The following MLLT1 variants were observed in gnomAD, a reference collection of about 807,000 sequenced individuals.
The protein encoded by MLLT1 is protein ENL.
In MLLT1, 11 loss-of-function variants were observed where a neutral mutation model predicts 55.1. That is an observed-to-expected ratio of 0.20 (90% CI 0.13 to 0.33). The LOEUF is 0.33. Ranked by LOEUF, MLLT1 falls within the 10% of genes least tolerant of loss-of-function variation. The pLI, the probability that MLLT1 is intolerant of heterozygous loss-of-function variation, is 1.00. For missense variants in MLLT1, 536 were observed against 760.6 expected, an observed-to-expected ratio of 0.70 and a Z score of 3.47; for synonymous variants, 323 against 320.1, an observed-to-expected ratio of 1.01 and a Z score of -0.10.
rs4807858 is a variant in MLLT1 at position 6,273,129 on chromosome 19, A to T, written c.13-2370T>A. On this transcript the variant is annotated intron_variant, in intron 1 of 11. Coordinates refer to ENST00000252674, the MANE Select transcript of MLLT1 (RefSeq NM_005934.4). This position sits in a 1 kb window ranked among gnomAD's most constrained non-coding sequence, Gnocchi z 4.3. The stretch of plus-strand genomic sequence containing the variant: ...GAGACAAAAGAAATAACCCGTCGTC[A>T]TAAGTGGCTGACAGATATGGGAAAC... 6.6e-6 allele frequency among the ~76,000 whole-genome samples: 1 copy of T among 151,576 alleles called. No individual in the cohort carries two copies. The highest frequency in any genetic ancestry group is 2.1e-4 in the South Asian group (1 of 4,778).
chr19:6,212,588 G>A lies in MLLT1; in HGVS notation c.*454C>T. The A allele has an allele frequency of 1.8e-6, 2 of 1,091,470 alleles. No individual in the cohort carries two copies. The highest frequency in any genetic ancestry group is 2.2e-6 in the Non-Finnish European group (2 of 897,484). 67.6% of individuals were successfully genotyped at this position (1,091,470 alleles called of 1,614,324 possible). A position where few individuals can be genotyped will look rare whatever the true frequency, so the allele number is the denominator to read the frequency against. On this transcript the variant is annotated 3_prime_UTR_variant, in exon 12 of 12. Coordinates refer to ENST00000252674, the MANE Select transcript of MLLT1 (RefSeq NM_005934.4). ...GGAGGACGACGCAGACACACAGGCA[G>A]GGCCTTCTGAGGTCCAGGGTGGGCG...
chr19:6,267,797 G>A (rs1002746350), intron 2 of MLLT1, among the ~76,000 whole-genome samples: 3 of 152,154 alleles, frequency 2.0e-5, no homozygotes, highest in African/African-American at 7.2e-5. Context: ...GCTTAACAAC[G>A]TCCATTGTAG....
At chr19:6,276,821 G>A (rs1346179304) in intron 1 of MLLT1, among the ~76,000 whole-genome samples, 7 of 152,188 alleles carry the variant, frequency 4.6e-5, no homozygotes, top group South Asian at 4.1e-4. Context: ...TGCGGGTTAC[G>A]GTTGGGGCAA....
At position 6,222,665 on chromosome 19, in the gene MLLT1, C is replaced by T; in HGVS notation, c.566G>A (p.Ser189Asn). Residue 189 changes from serine to asparagine, a missense_variant, in exon 6 of 12, where the codon AGC becomes AAC. This residue lies in a region of MLLT1 where 449 missense variants were observed against 489.0 expected (regional missense o/e 0.92). Coordinates refer to ENST00000252674, the MANE Select transcript of MLLT1 (RefSeq NM_005934.4). The surrounding 1 kb of genome is among the most constrained non-coding windows in gnomAD (Gnocchi z 4.1). ...HGSKDANKES[S>N]KTSKPHKVTK... ...CACCTTGTGTGGCTTGGAGGTCTTG[C>T]TGCTCTCCTTGTTGGCGTCCTGCAA... 6.5e-7 allele frequency: 1 copy of T among 1,548,184 alleles called. No homozygotes were observed. The highest frequency in any genetic ancestry group is 8.7e-7 in the Non-Finnish European group (1 of 1,150,232).
rs751164053 is a variant in MLLT1, at chr19:6,222,529, G to A, written c.702C>T (p.Gly234=). 33 of 1,600,246 alleles carry A rather than the reference G, an allele frequency of 2.1e-5. No individual in the cohort carries two copies. Among genetic ancestry groups the A allele is most frequent in the Non-Finnish European group, 2.5e-5 (30 of 1,179,620 alleles). The change falls in exon 6 of 12, where the codon GGC becomes GGT. Residue 234 remains glycine, a synonymous_variant. Coordinates refer to ENST00000252674, the MANE Select transcript of MLLT1 (RefSeq NM_005934.4). This position sits in a 1 kb window ranked among gnomAD's most constrained non-coding sequence, Gnocchi z 4.1. ...TCTCCTCCTTGGGCAGCCGGCCCTC[G>A]CCCAGCTTCCGCGAGGTGTCCTTGG... The part of the protein sequence containing the change: ...KSSKDTSRKL[G]EGRLPKEEKA...
chr19:6,279,955 C>G lies in MLLT1; in HGVS notation c.-171G>C, dbSNP rs935562642. The G allele has an allele frequency of 6.1e-6, 1 of 163,728 alleles. No individual in the cohort carries two copies. The highest frequency in any genetic ancestry group is 1.3e-5 in the Non-Finnish European group (1 of 78,374). 10.1% of individuals were successfully genotyped at this position (163,728 alleles called of 1,614,324 possible). A position where few individuals can be genotyped will look rare whatever the true frequency, so the allele number is the denominator to read the frequency against. ...CCGCCAGCCCCGCGGAACCGGAAAC[C>G]ACCGCCAGCCCGGGTCGCGCACCGA... On this transcript the variant is annotated 5_prime_UTR_variant, in exon 1 of 12. Coordinates refer to ENST00000252674, the MANE Select transcript of MLLT1 (RefSeq NM_005934.4).
rs2091008575 is a variant in MLLT1 at position 6,231,380 on chromosome 19, G to A, written c.277-667C>T. On this transcript the variant is annotated intron_variant, in intron 3 of 11. Transcript: ENST00000252674. The surrounding 1 kb of genome is among the most constrained non-coding windows in gnomAD (Gnocchi z 5.1). ...GGAAAAGGGCTGTGAGTGAGGGGCTGTGATGAATACAGAAAGGCCAGGAGG... is the reference window on the plus strand; with the variant it reads ...GGAAAAGGGCTGTGAGTGAGGGGCTATGATGAATACAGAAAGGCCAGGAGG... 6.6e-6 allele frequency among the ~76,000 whole-genome samples: 1 copy of A among 152,162 alleles called. No homozygotes were observed. The highest frequency in any genetic ancestry group is 2.4e-5 in the African/African-American group (1 of 41,446).
rs1047800346 is a variant in MLLT1, at chr19:6,235,839, T to C, written c.277-5126A>G. ...GCAGCCAGAGGGACATGCTGCCTTCTTCCACGCCTCCTCCACCCAGCTCAC... is the reference window on the plus strand; with the variant it reads ...GCAGCCAGAGGGACATGCTGCCTTCCTCCACGCCTCCTCCACCCAGCTCAC... On this transcript the variant is annotated intron_variant, in intron 3 of 11. Transcript: ENST00000252674. The surrounding 1 kb of genome is among the most constrained non-coding windows in gnomAD (Gnocchi z 5.5). Among the ~76,000 whole-genome samples, 2 of 152,106 alleles carry C rather than the reference T, an allele frequency of 1.3e-5. No individual in the cohort carries two copies. The highest frequency in any genetic ancestry group is 2.9e-5 in the Non-Finnish European group (2 of 68,004).
At chr19:6,274,344 C>T (rs999589252) in intron 1 of MLLT1, among the ~76,000 whole-genome samples, 2 of 152,264 alleles carry the variant, frequency 1.3e-5, no homozygotes, top group African/African-American at 4.8e-5. Flanking sequence ...TTTATTAGCA[C>T]AGCTAAGCCA....
chr19:6,245,090 C>T (rs1351857338), intron 3 of MLLT1, among the ~76,000 whole-genome samples: 1 of 152,152 alleles, frequency 6.6e-6, no homozygotes, highest in African/African-American at 2.4e-5. Context: ...CCTATAATCT[C>T]AACACTCTGG....
intron 7 of MLLT1, 51 bp downstream of exon 7, chr19:6,217,903 C>A: frequency 6.4e-7 from 1 of 1,554,820 alleles, no homozygotes; most frequent in South Asian, 1.2e-5. Context: ...GGCCTGAGCT[C>A]CAGGCCCTCC....
At position 6,212,961 on chromosome 19, in the gene MLLT1, G is replaced by A. The variant is rs201403290; in HGVS notation, c.*81C>T. 7.7e-6 allele frequency: 12 copies of A among 1,548,662 alleles called. No individual in the cohort carries two copies. In the East Asian group the frequency reaches 9.0e-5, roughly 12 times the overall value. On this transcript the variant is annotated 3_prime_UTR_variant, in exon 12 of 12. Transcript: ENST00000252674. ...CGCTAAGGCAGTGCTGCGGGCAGGC[G>A]AGACGGGAGAGGAGGGCAGGCGAGG...
chr19:6,260,941 C>T (rs886065935), intron 3 of MLLT1, among the ~76,000 whole-genome samples: 2 of 152,336 alleles, frequency 1.3e-5, no homozygotes, highest in Middle Eastern at 3.4e-3. Context: ...TTAAACTGCC[C>T]ATACAGATGG....
Position 6,212,591 on chromosome 19 carries a change from C to A in MLLT1, c.*451G>T. On this transcript the variant is annotated 3_prime_UTR_variant, in exon 12 of 12. Transcript: ENST00000252674. ...GGACGACGCAGACACACAGGCAGGG[C>A]CTTCTGAGGTCCAGGGTGGGCGGAG... 1 of 1,091,074 alleles carries A rather than the reference C, an allele frequency of 9.2e-7. No individual in the cohort carries two copies. The highest frequency in any genetic ancestry group is 4.9e-5 in the East Asian group (1 of 20,562). 67.6% of individuals were successfully genotyped at this position (1,091,074 alleles called of 1,614,324 possible).
intron 1 of MLLT1, among the ~76,000 whole-genome samples, chr19:6,271,600 T>C (rs935371962): frequency 2.6e-5 from 4 of 152,184 alleles, no homozygotes; most frequent in Admixed American, 6.5e-5. Flanking sequence ...GCACTCTTCA[T>C]ACCTAGGTTG....
intron 3 of MLLT1, among the ~76,000 whole-genome samples, chr19:6,239,716 ACC>A (rs1402528556): frequency 2.6e-5 from 4 of 151,588 alleles, no homozygotes; most frequent in Non-Finnish European, 5.9e-5. Context: ...GTACACACAC[ACC>A]CCCACACTCA....
chr19:6,220,143 C>T (rs1438677418), intron 6 of MLLT1, among the ~76,000 whole-genome samples: 1 of 152,226 alleles, frequency 6.6e-6, no homozygotes, highest in East Asian at 1.9e-4. Flanking sequence ...TGGGCCAGAC[C>T]CCAGCTGGTG....
At position 6,256,482 on chromosome 19, in the gene MLLT1, C is replaced by T. The variant is rs1465879420; in HGVS notation, c.276+5746G>A. On this transcript the variant is annotated intron_variant, in intron 3 of 11. Coordinates refer to ENST00000252674, the MANE Select transcript of MLLT1 (RefSeq NM_005934.4). The surrounding 1 kb of genome is among the most constrained non-coding windows in gnomAD (Gnocchi z 4.1). ...AAAAAAAGAAAAAAAAGGCGGGGCA[C>T]GGTGGCTCACGCCTGTAATCTCAGC... 2.6e-5 allele frequency among the ~76,000 whole-genome samples: 4 copies of T among 151,314 alleles called. No individual in the cohort carries two copies. The highest frequency in any genetic ancestry group is 2.1e-4 in the South Asian group (1 of 4,778).
In MLLT1 at chr19:6,237,553, C is replaced by T. The variant is rs552093480; in HGVS notation, c.277-6840G>A. On this transcript the variant is annotated intron_variant, in intron 3 of 11. Transcript: ENST00000252674. The stretch of plus-strand genomic sequence containing the variant: ...CAGGTGGATCACAAGGTCAGGAGAT[C>T]GAGACCATCCTGGCTAACACAGTGA... Among the ~76,000 whole-genome samples, 745 of 148,774 alleles carry T rather than the reference C, an allele frequency of 5.0e-3. 2 individuals are homozygous for T. Among genetic ancestry groups the T allele is most frequent in the African/African-American group, 0.017 (684 of 40,100 alleles).
Sources: allele counts gnomAD v4.1 joint callset (sites outside exome capture counted in the v4.1 genomes callset), GRCh38; gene constraint gnomAD v4.1.1; regional missense constraint gnomAD v4.1.1; non-coding constraint Gnocchi (gnomAD v3.1); transcripts MANE v1.5; gene names NCBI Gene and HGNC (gene_info 2026-07-23, HGNC 2026-07-21).